Variants in NRXN3 observed in about 807,000 individuals in gnomAD.
The protein encoded by NRXN3 is neurexin 3.
Under a neutral mutation model 137.6 loss-of-function variants are expected in NRXN3, and 32 were observed. The ratio of observed to expected loss-of-function variants is 0.23; its 90% CI spans 0.18 to 0.31. The LOEUF is 0.31. Ranked by LOEUF, NRXN3 falls within the 10% of genes least tolerant of loss-of-function variation. The pLI is 1.00. For synonymous variants in NRXN3, 798 were observed against 784.5 expected (o/e 1.02, Z -0.29); for missense variants, 1,574 against 2,062.5 (o/e 0.76, Z 4.59).
At chr14:78,357,976 C>T (rs566431204) in intron 4 of NRXN3, among the ~76,000 whole-genome samples, 1 of 152,120 alleles carries the variant, frequency 6.6e-6, no homozygotes, top group East Asian at 1.9e-4. Context: ...CTCATATATC[C>T]CATAGAAAGG....
chr14:79,508,532 G>A (rs957191264), intron 16 of NRXN3, among the ~76,000 whole-genome samples: 1 of 151,488 alleles, frequency 6.6e-6, no homozygotes, highest in Admixed American at 6.6e-5. Context: ...TGGGATTACA[G>A]GTGCCTGCTA....
intron 16 of NRXN3, among the ~76,000 whole-genome samples, chr14:79,562,756 C>T (rs2097511207): frequency 6.6e-6 from 1 of 152,154 alleles, no homozygotes; most frequent in Admixed American, 6.6e-5. Flanking sequence ...CACTTCAAAA[C>T]TTACCTTGCT....
chr14:79,799,096 A>G (rs1603528021), intron 19 of NRXN3, among the ~76,000 whole-genome samples: 1 of 152,202 alleles, frequency 6.6e-6, no homozygotes, highest in African/African-American at 2.4e-5. Context: ...CATAAATGCA[A>G]TAAAAAATCT....
intron 15 of NRXN3, among the ~76,000 whole-genome samples, chr14:79,012,817 G>T (rs982237260): frequency 2.6e-5 from 4 of 152,228 alleles, no homozygotes; most frequent in African/African-American, 9.6e-5. Context: ...GAGATCCTTG[G>T]TATAATTAAG....
intron 20 of NRXN3, among the ~76,000 whole-genome samples, chr14:79,851,461 G>T (rs140650313): frequency 6.6e-6 from 1 of 151,778 alleles, no homozygotes; most frequent in Non-Finnish European, 1.5e-5. Context: ...ATCTTGGTAC[G>T]GACTGACCCA....
intron 15 of NRXN3, among the ~76,000 whole-genome samples, chr14:79,107,162 G>C (rs1380799739): frequency 6.6e-6 from 1 of 152,094 alleles, no homozygotes; most frequent in Non-Finnish European, 1.5e-5. Flanking sequence ...GCCCTCCTCA[G>C]CTAAAAAACA....
intron 4 of NRXN3, among the ~76,000 whole-genome samples, chr14:78,640,629 T>C (rs530046119): frequency 1.3e-5 from 2 of 152,340 alleles, no homozygotes; most frequent in East Asian, 3.9e-4. Context: ...AAATGCTTAT[T>C]AATACTAAGT....
At chr14:78,205,276 C>A (rs2153402001) in intron 1 of NRXN3, among the ~76,000 whole-genome samples, 1 of 152,356 alleles carries the variant, frequency 6.6e-6, no homozygotes, top group South Asian at 2.1e-4. Context: ...AATCCCTTTA[C>A]CTACTGATGA....
At chr14:78,987,268 T>C (rs529468346) in intron 14 of NRXN3, among the ~76,000 whole-genome samples, 1 of 152,254 alleles carries the variant, frequency 6.6e-6, no homozygotes, top group East Asian at 1.9e-4. Context: ...ACTGGTATAG[T>C]CCACAGCATG....
intron 19 of NRXN3, among the ~76,000 whole-genome samples, chr14:79,732,960 A>G (rs1266138295): frequency 2.6e-5 from 4 of 152,160 alleles, no homozygotes; most frequent in Non-Finnish European, 4.4e-5. Flanking sequence ...ATATTTTGAT[A>G]TTAATATTAA....
At chr14:79,760,081 G>A (rs548793241) in intron 19 of NRXN3, among the ~76,000 whole-genome samples, 1 of 151,710 alleles carries the variant, frequency 6.6e-6, no homozygotes, top group Non-Finnish European at 1.5e-5. Flanking sequence ...TACTATGTGT[G>A]TGCATGTGTG....
chr14:78,331,145 G>C (rs1437329258), intron 4 of NRXN3, among the ~76,000 whole-genome samples: 2 of 152,036 alleles, frequency 1.3e-5, no homozygotes, highest in Non-Finnish European at 2.9e-5. Context: ...GTTTGAGAAA[G>C]GTCACCAAAA....
intron 16 of NRXN3, among the ~76,000 whole-genome samples, chr14:79,492,061 G>T (rs2096722389): frequency 1.3e-5 from 2 of 152,124 alleles, no homozygotes; most frequent in South Asian, 4.2e-4. Flanking sequence ...TACTGAACTA[G>T]AAAGCCCACA....
At chr14:79,201,914 A>G (rs2066075584) in intron 15 of NRXN3, among the ~76,000 whole-genome samples, 1 of 152,190 alleles carries the variant, frequency 6.6e-6, no homozygotes, top group Admixed American at 6.5e-5. Flanking sequence ...CTTATTGTAC[A>G]GGCGAGGAAG....
chr14:79,380,907 C>T (rs1199120929), intron 15 of NRXN3, among the ~76,000 whole-genome samples: 2 of 151,984 alleles, frequency 1.3e-5, no homozygotes, highest in Admixed American at 6.6e-5. Context: ...GCAGGTCATG[C>T]TAAGTATGTC....
chr14:78,620,487 A>C (rs1018959639), intron 4 of NRXN3, among the ~76,000 whole-genome samples: 1 of 152,190 alleles, frequency 6.6e-6, no homozygotes, highest in East Asian at 1.9e-4. Flanking sequence ...GTACATGCCC[A>C]GTTGGTGGCT....
At chr14:79,425,192 A>G (rs1454746027) in intron 15 of NRXN3, among the ~76,000 whole-genome samples, 1 of 152,204 alleles carries the variant, frequency 6.6e-6, no homozygotes, top group Non-Finnish European at 1.5e-5. Context: ...AATAGAATAT[A>G]ATGTAAGTAG....
chr14:79,658,302 G>C (rs2098516530), intron 16 of NRXN3, among the ~76,000 whole-genome samples: 1 of 152,118 alleles, frequency 6.6e-6, no homozygotes, highest in Non-Finnish European at 1.5e-5. Flanking sequence ...TAGGTAGCCT[G>C]GTTTATGTTG....
At chr14:79,762,141 C>T (rs2099040845) in intron 19 of NRXN3, among the ~76,000 whole-genome samples, 1 of 151,540 alleles carries the variant, frequency 6.6e-6, no homozygotes, top group African/African-American at 2.4e-5. Flanking sequence ...TATTATAATT[C>T]TTACTTCTAC....
Sources: gnomAD v4.1 joint callset for allele counts (sites outside exome capture counted in the v4.1 genomes callset) on GRCh38, gnomAD v4.1.1 for gene constraint, MANE v1.5 for transcripts, NCBI Gene and HGNC (gene_info 2026-07-23, HGNC 2026-07-21) for gene names.